The following LYPD1 variants were observed in gnomAD, a reference collection of about 807,000 sequenced individuals.
LYPD1 encodes the protein ly6/PLAUR domain-containing protein 1.
LYPD1 carries 14 observed loss-of-function variants against 14.2 expected under a neutral mutation model. That is an observed-to-expected ratio of 0.99 (90% confidence interval 0.65 to 1.54). The LOEUF is 1.54. Ranked by LOEUF, LYPD1 falls within the 40% of genes most tolerant of loss-of-function variation. The pLI is 0.00. For synonymous variants in LYPD1, 85 were observed against 70.6 expected (o/e 1.20, Z -1.02); for missense variants, 165 against 175.7 (o/e 0.94, Z 0.34).
rs746438443 is a variant in LYPD1, at chr2:132,645,171, A to AC, written c.*873dup. 3 of 1,613,924 alleles carry AC rather than the reference A, an allele frequency of 1.9e-6. No homozygotes were observed. Among genetic ancestry groups the AC allele is most frequent in the Non-Finnish European group, 2.5e-6 (3 of 1,180,006 alleles). ...TTCGGAGGATCATGGCTGCGGCCAA[A>AC]CCCAAGCACGACTGGACGAGGTCCT... On this transcript the variant is annotated 3_prime_UTR_variant, in exon 3 of 3. Coordinates refer to ENST00000397463, the MANE Select transcript of LYPD1 (RefSeq NM_144586.7).
chr2:132,657,706 T>C (rs1212064209), intron 2 of LYPD1, among the ~76,000 whole-genome samples: 1 of 152,236 alleles, frequency 6.6e-6, no homozygotes, highest in African/African-American at 2.4e-5. Flanking sequence ...GTACATCTTG[T>C]GTTAAAGTTC....
chr2:132,667,584 A>G (rs1683355128), intron 2 of LYPD1, among the ~76,000 whole-genome samples: 1 of 152,190 alleles, frequency 6.6e-6, no homozygotes, highest in South Asian at 2.1e-4. Context: ...CATCCTTTTA[A>G]TATCCTTAAA....
Position 132,644,230 on chromosome 2 carries a change from A to G in LYPD1, c.*1815T>C, listed in dbSNP as rs1468382791. On this transcript the variant is annotated 3_prime_UTR_variant, in exon 3 of 3. Transcript: ENST00000397463. ...TGGTTACTTAAGTTGGAATACAAAT[A>G]TGTGGGCATGCAAACAAATGTACAT... is the stretch of plus-strand genomic sequence containing the variant. 6.6e-6 allele frequency among the ~76,000 whole-genome samples: 1 copy of G among 152,218 alleles called. No individual in the cohort carries two copies. The highest frequency in any genetic ancestry group is 1.9e-4 in the East Asian group (1 of 5,202).
Position 132,645,753 on chromosome 2 carries a change from T to TTCTAAGGACTGACTC in LYPD1, c.*277_*291dup. 8.7e-7 allele frequency: 1 copy of TTCTAAGGACTGACTC among 1,142,960 alleles called. No homozygotes were observed. The allele number at this position is 1,142,960 out of a possible 1,614,324, so 70.8% of individuals were successfully genotyped here. On this transcript the variant is annotated 3_prime_UTR_variant, in exon 3 of 3. Transcript: ENST00000397463. ...AAAGGCAGATGCCCACCTCAGTGACTTCTAAGGACTGACTCTGCCAGCCTG... is the reference window on the plus strand; with the variant it reads ...AAAGGCAGATGCCCACCTCAGTGACTTCTAAGGACTGACTCTCTAAGGACTGACTCTGCCAGCCTG...
Position 132,643,804 on chromosome 2 carries a change from G to A in LYPD1, c.*2241C>T, listed in dbSNP as rs538862407. Among the ~76,000 whole-genome samples the A allele has an allele frequency of 2.6e-5, 4 of 152,246 alleles. No homozygotes were observed. The East Asian group carries it at 5.8e-4, about 22-fold the overall frequency. ...CAGAGTATTGAGATATCAGGCATGC[G>A]CCACCATGTCTGGCCCCCATTTATT... On this transcript the variant is annotated 3_prime_UTR_variant, in exon 3 of 3. Transcript: ENST00000397463.
chr2:132,652,242 C>A (rs1682386939), intron 2 of LYPD1, among the ~76,000 whole-genome samples: 1 of 152,072 alleles, frequency 6.6e-6, no homozygotes, highest in African/African-American at 2.4e-5. Context: ...ACGTAAGCTC[C>A]AGCAATCAGA....
At chr2:132,650,589 CA>C (rs1193880805) in intron 2 of LYPD1, among the ~76,000 whole-genome samples, 1 of 151,982 alleles carries the variant, frequency 6.6e-6, no homozygotes, top group Non-Finnish European at 1.5e-5. Context: ...GGTAAATTTC[CA>C]GTGTCTTATC....
rs368596177 is a variant in LYPD1, at chr2:132,669,865, C to CT, written c.52+15dup. On this transcript the variant is annotated intron_variant, in intron 1 of 2. Transcript: ENST00000397463. This position sits in a 1 kb window ranked among gnomAD's most constrained non-coding sequence, Gnocchi z 4.3. The stretch of plus-strand genomic sequence containing the variant: ...TGCGCACCTGGCCTCGGCTGCTGGC[C>CT]TCTGGGTATTCTCACCTGGAAGCAA... The CT allele has an allele frequency of 9.0e-4, 1,445 of 1,612,332 alleles. 13 individuals are homozygous for CT. In the African/African-American group the frequency reaches 0.017, roughly 19 times the overall value.
chr2:132,651,894 CG>C, intron 2 of LYPD1, among the ~76,000 whole-genome samples: 1 of 152,174 alleles, frequency 6.6e-6, no homozygotes, highest in Non-Finnish European at 1.5e-5. Context: ...GGTAGTTTGA[CG>C]GGTCCACAAC....
chr2:132,671,355 C>T (rs1683715948), upstream of LYPD1: 1 of 152,412 alleles, frequency 6.6e-6, no homozygotes. Flanking sequence ...GTGGAAATCG[C>T]CTCCTAAGCT....
chr2:132,659,371 TGA>T (rs747059378), intron 2 of LYPD1, among the ~76,000 whole-genome samples: 1 of 152,060 alleles, frequency 6.6e-6, no homozygotes, highest in Non-Finnish European at 1.5e-5. Context: ...AGAGAGAGCA[TGA>T]GAGAGTGTGC....
chr2:132,663,367 G>A (rs147525871), intron 2 of LYPD1, among the ~76,000 whole-genome samples: 268 of 152,190 alleles, frequency 1.8e-3, no homozygotes, highest in African/African-American at 6.1e-3. Flanking sequence ...TCCACCTCCC[G>A]GGTTCAAGCA....
At chr2:132,650,514 T>C (rs1306318531) in intron 2 of LYPD1, among the ~76,000 whole-genome samples, 1 of 152,138 alleles carries the variant, frequency 6.6e-6, no homozygotes, top group African/African-American at 2.4e-5. Flanking sequence ...CACAAGGTTA[T>C]TCATGGTAGA....
intron 2 of LYPD1, among the ~76,000 whole-genome samples, chr2:132,650,159 G>A (rs796404330): frequency 2.3e-4 from 35 of 152,232 alleles, no homozygotes; most frequent in African/African-American, 7.9e-4. Flanking sequence ...AATAGGGAAA[G>A]CAAATGAACA....
At position 132,644,900 on chromosome 2, in the gene LYPD1, C is replaced by T. The variant is rs1681970498; in HGVS notation, c.*1145G>A. The stretch of plus-strand genomic sequence containing the variant: ...GTCTTTCTTTAACACAGCCAACTCC[C>T]CCGGGTTTGAAACAGTGTTAAATTC... On this transcript the variant is annotated 3_prime_UTR_variant, in exon 3 of 3. Coordinates refer to ENST00000397463, the MANE Select transcript of LYPD1 (RefSeq NM_144586.7). The T allele has an allele frequency of 6.7e-6, 4 of 599,460 alleles. No homozygotes were observed. The highest frequency in any genetic ancestry group is 1.9e-5 in the African/African-American group (1 of 52,876). 37.1% of individuals were successfully genotyped at this position (599,460 alleles called of 1,614,324 possible).
In LYPD1 at chr2:132,670,094, C is replaced by T; in HGVS notation, c.-162G>A. ...GCTTAGAGGAGCCGCAGGTGCCGCT[C>T]GCGGAGCCTGCATCGCCCGCGCTCG... On this transcript the variant is annotated 5_prime_UTR_variant, in exon 1 of 3. Transcript: ENST00000397463. This position sits in a 1 kb window ranked among gnomAD's most constrained non-coding sequence, Gnocchi z 4.5. The T allele has an allele frequency of 6.8e-7, 1 of 1,468,728 alleles. No homozygotes were observed. The highest frequency in any genetic ancestry group is 1.3e-5 in the South Asian group (1 of 75,434). 91.0% of individuals were successfully genotyped at this position (1,468,728 alleles called of 1,614,324 possible).
Position 132,645,137 on chromosome 2 carries a change from C to T in LYPD1, c.*908G>A. 2 of 1,613,928 alleles carry T rather than the reference C, an allele frequency of 1.2e-6. No individual in the cohort carries two copies. Among genetic ancestry groups the T allele is most frequent in the Non-Finnish European group, 1.7e-6 (2 of 1,179,912 alleles). ...GTGACATTGGCCGTATGCTGGATGC[C>T]CAACCAGATTCGGAGGATCATGGCT... On this transcript the variant is annotated 3_prime_UTR_variant, in exon 3 of 3. Coordinates refer to ENST00000397463, the MANE Select transcript of LYPD1 (RefSeq NM_144586.7).
upstream of LYPD1, among the ~76,000 whole-genome samples, chr2:132,670,661 G>A (rs1383451682): frequency 1.3e-5 from 2 of 152,122 alleles, no homozygotes; most frequent in Admixed American, 6.5e-5. The surrounding 1 kb of genome is among the most constrained non-coding windows in gnomAD (Gnocchi z 4.5). Flanking sequence ...CTGGCGCCCC[G>A]GGAGGCTGAC....
chr2:132,645,248 T>C lies in LYPD1; in HGVS notation c.*797A>G. ...CCCTTCTCGGAGACGTTTTTCTACCTCAGCTCGGTCATCAACCCGCTCCTG... is the reference window on the plus strand; with the variant it reads ...CCCTTCTCGGAGACGTTTTTCTACCCCAGCTCGGTCATCAACCCGCTCCTG... On this transcript the variant is annotated 3_prime_UTR_variant, in exon 3 of 3. Coordinates refer to ENST00000397463, the MANE Select transcript of LYPD1 (RefSeq NM_144586.7). 1.2e-6 allele frequency: 2 copies of C among 1,614,132 alleles called. No individual in the cohort carries two copies. Among genetic ancestry groups the C allele is most frequent in the Non-Finnish European group, 8.5e-7 (1 of 1,180,010 alleles).
Sources: allele counts gnomAD v4.1 joint callset (sites outside exome capture counted in the v4.1 genomes callset), GRCh38; gene constraint gnomAD v4.1.1; non-coding constraint Gnocchi (gnomAD v3.1); transcripts MANE v1.5; gene names NCBI Gene and HGNC (gene_info 2026-07-23, HGNC 2026-07-21).